Variants in MYO18A observed in about 807,000 individuals in gnomAD.
MYO18A encodes unconventional myosin-XVIIIa.
In MYO18A, 78 loss-of-function variants were observed where a neutral mutation model predicts 235.8. That is an observed-to-expected ratio of 0.33 (90% confidence interval 0.28 to 0.40). The LOEUF is 0.40. Among genes scored for constraint, MYO18A ranks in the 10% least tolerant of loss-of-function variants. The probability of loss-of-function intolerance (pLI) is 1.00; values close to 1 mark genes in which losing one functional copy is unlikely to be tolerated. For missense variants in MYO18A, 2,215 were observed against 2,699.3 expected, an observed-to-expected ratio of 0.82 and a Z score of 3.98; for synonymous variants, 977 against 1,077.8, an observed-to-expected ratio of 0.91 and a Z score of 1.83.
chr17:29,093,690 G>T (rs1481607555), intron 31 of MYO18A, among the ~76,000 whole-genome samples: 1 of 152,126 alleles, frequency 6.6e-6, no homozygotes, highest in African/African-American at 2.4e-5. Context: ...GACCTGCCCG[G>T]CCAGGCTGGC....
At chr17:29,146,556 G>A (rs1385392102) in intron 2 of MYO18A, among the ~76,000 whole-genome samples, 3 of 152,198 alleles carry the variant, frequency 2.0e-5, no homozygotes, top group Non-Finnish European at 4.4e-5. Context: ...TGGCCAATAA[G>A]AATATCCTCA....
intron 1 of MYO18A, chr17:29,176,533 T>C (rs1364136416): frequency 7.4e-6 from 1 of 135,856 alleles, no homozygotes; most frequent in Non-Finnish European, 1.6e-5. Flanking sequence ...AAGGAAATAC[T>C]TTCCCGAGAG....
chr17:29,170,357 G>A (rs1396942709), intron 1 of MYO18A, among the ~76,000 whole-genome samples: 1 of 152,182 alleles, frequency 6.6e-6, no homozygotes, highest in Non-Finnish European at 1.5e-5. Flanking sequence ...TCTCTCCTGA[G>A]TCTAGAGCTG....
intron 2 of MYO18A, among the ~76,000 whole-genome samples, chr17:29,139,353 G>A (rs920627764): frequency 4.6e-5 from 7 of 152,108 alleles, no homozygotes; most frequent in African/African-American, 1.7e-4. Context: ...AGTGGCCCGG[G>A]GGTGGCTGGG....
intron 2 of MYO18A, among the ~76,000 whole-genome samples, chr17:29,123,266 G>C (rs2067243421): frequency 6.6e-6 from 1 of 152,126 alleles, no homozygotes; most frequent in African/African-American, 2.4e-5. Flanking sequence ...GTGTGTGGGC[G>C]AAATGGCAGC....
chr17:29,108,419 C>T (rs1489193116), intron 19 of MYO18A, among the ~76,000 whole-genome samples: 1 of 152,212 alleles, frequency 6.6e-6, no homozygotes, highest in African/African-American at 2.4e-5. Context: ...GGGCCACGAA[C>T]TCCACTCCCA....
In MYO18A at chr17:29,125,854, C is replaced by A; in HGVS notation, c.1000-3601G>T. On this transcript the variant is annotated intron_variant, in intron 2 of 41. Transcript: ENST00000527372. The surrounding 1 kb of genome is among the most constrained non-coding windows in gnomAD (Gnocchi z 5.1). ...CCTGCCGCCAGCCTCAGGAAGAGGGCGGCCAGGGACTGGGACCCACACACA... is the reference window on the plus strand; with the variant it reads ...CCTGCCGCCAGCCTCAGGAAGAGGGAGGCCAGGGACTGGGACCCACACACA... 3.1e-6 allele frequency: 3 copies of A among 966,958 alleles called. No homozygotes were observed. Among genetic ancestry groups the A allele is most frequent in the East Asian group, 1.1e-4 (1 of 8,758 alleles). 59.9% of individuals were successfully genotyped at this position (966,958 alleles called of 1,614,324 possible). A position where few individuals can be genotyped will look rare whatever the true frequency, so the allele number is the denominator to read the frequency against.
In MYO18A at chr17:29,180,066, G is replaced by C. The variant is rs1446892137; in HGVS notation, c.-82+247C>G. ...CTCCCTGCGCCCCCCAGGTTGGCTG[G>C]AAGGGCCGGTGGTTCCCCCTTCCCC... On this transcript the variant is annotated intron_variant, in intron 1 of 41. Coordinates refer to ENST00000527372, the MANE Select transcript of MYO18A (RefSeq NM_078471.4). This position sits in a 1 kb window ranked among gnomAD's most constrained non-coding sequence, Gnocchi z 6.1. 2.0e-5 allele frequency among the ~76,000 whole-genome samples: 3 copies of C among 151,744 alleles called. No homozygotes were observed. The highest frequency in any genetic ancestry group is 6.6e-5 in the Admixed American group (1 of 15,246).
chr17:29,092,123 T>C (rs1352907052), intron 34 of MYO18A, among the ~76,000 whole-genome samples: 5 of 152,226 alleles, frequency 3.3e-5, no homozygotes. Flanking sequence ...GATGGGCCCT[T>C]GCTGGCTCCC....
chr17:29,162,110 C>T (rs1426416453), intron 2 of MYO18A, among the ~76,000 whole-genome samples: 1 of 152,148 alleles, frequency 6.6e-6, no homozygotes, highest in East Asian at 1.9e-4. Context: ...GGCTCTCCAT[C>T]CCACTGCCTC....
intron 2 of MYO18A, among the ~76,000 whole-genome samples, chr17:29,141,564 T>C (rs528676892): frequency 6.6e-6 from 1 of 152,314 alleles, no homozygotes; most frequent in East Asian, 1.9e-4. Context: ...TTCTATACAT[T>C]GTCTGACTTT....
In MYO18A at chr17:29,125,879, A is replaced by C; in HGVS notation, c.1000-3626T>G. The C allele has an allele frequency of 1.0e-6, 1 of 985,202 alleles. No homozygotes were observed. The highest frequency in any genetic ancestry group is 1.7e-5 in the African/African-American group (1 of 57,340). The allele number at this position is 985,202 out of a possible 1,614,324, so 61.0% of individuals were successfully genotyped here. On this transcript the variant is annotated intron_variant, in intron 2 of 41. Coordinates refer to ENST00000527372, the MANE Select transcript of MYO18A (RefSeq NM_078471.4). This position sits in a 1 kb window ranked among gnomAD's most constrained non-coding sequence, Gnocchi z 5.1. Reference sequence around the variant, plus strand: ...CGGCCAGGGACTGGGACCCACACACAAGAGTGGCATTACAGAAGCTGTGAA... The same window carrying C: ...CGGCCAGGGACTGGGACCCACACACCAGAGTGGCATTACAGAAGCTGTGAA...
chr17:29,167,001 C>T lies in MYO18A; in HGVS notation c.-61G>A, dbSNP rs1214940097. The T allele has an allele frequency of 2.7e-6, 4 of 1,456,544 alleles. No individual in the cohort carries two copies. In the East Asian group the frequency reaches 1.0e-4, roughly 36 times the overall value. The allele number at this position is 1,456,544 out of a possible 1,614,324, so 90.2% of individuals were successfully genotyped here. On this transcript the variant is annotated 5_prime_UTR_variant, in exon 2 of 42. Transcript: ENST00000527372. ...AGGATTATGAGTGCTTAGCACAGGG[C>T]CTTGGTGCCCCACTTTGCTGCTGCA... is the stretch of plus-strand genomic sequence containing the variant.
rs780156455 is a variant in MYO18A at position 29,095,019 on chromosome 17, G to A, written c.4426C>T (p.Arg1476Trp). ...AGCTTCTCCCGCTGCAGCTTCTCCC[G>A]CTGGGCCTCCTCATGCGCCTGCGAG... is the stretch of plus-strand genomic sequence containing the variant. ...ELSQAHEEAQ[R>W]EKLQREKLQR... Residue 1476 changes from arginine (R) to tryptophan (W), a missense_variant, in exon 29 of 42, where the codon CGG becomes TGG. Coordinates refer to ENST00000527372, the MANE Select transcript of MYO18A (RefSeq NM_078471.4). The A allele has an allele frequency of 2.0e-5, 31 of 1,576,742 alleles. No individual in the cohort carries two copies. Among genetic ancestry groups the A allele is most frequent in the East Asian group, 9.3e-5 (4 of 42,944 alleles).
Position 29,092,960 on chromosome 17 carries a change from C to T in MYO18A, c.4968G>A (p.Lys1656=). 3.7e-6 allele frequency: 6 copies of T among 1,613,760 alleles called. No individual in the cohort carries two copies. Among genetic ancestry groups the T allele is most frequent in the African/African-American group, 1.3e-5 (1 of 75,038 alleles). Residue 1656 remains lysine, a synonymous_variant, in exon 33 of 42, where the codon AAG becomes AAA. Coordinates refer to ENST00000527372, the MANE Select transcript of MYO18A (RefSeq NM_078471.4). The part of the protein sequence containing the change: ...RDFESEKRLR[K]DLKRTKALLA... ...GCAGGGCCTTGGTGCGCTTCAGGTC[C>T]TTCCGCAGCCGCTTCTCTGACTCAA...
chr17:29,075,147 G>A (rs1433508292), intron 41 of MYO18A: 11 of 488,932 alleles, frequency 2.2e-5, no homozygotes, highest in Admixed American at 6.4e-5. Context: ...AGTGAGTCTC[G>A]GACTCAAGCG....
chr17:29,112,592 T>C (rs2066958610), intron 15 of MYO18A, among the ~76,000 whole-genome samples: 1 of 152,238 alleles, frequency 6.6e-6, no homozygotes, highest in Non-Finnish European at 1.5e-5. Context: ...CTAATTCTAA[T>C]TTCCAATATC....
chr17:29,174,073 T>C (rs1041981016), intron 1 of MYO18A, among the ~76,000 whole-genome samples: 1 of 152,120 alleles, frequency 6.6e-6, no homozygotes, highest in Non-Finnish European at 1.5e-5. Flanking sequence ...GCACCTGGCA[T>C]ATGAAAATAT....
At chr17:29,141,922 G>C (rs1439351145) in intron 2 of MYO18A, among the ~76,000 whole-genome samples, 1 of 152,250 alleles carries the variant, frequency 6.6e-6, no homozygotes, top group African/African-American at 2.4e-5. Flanking sequence ...TCTGGGAGCA[G>C]GGGCCTGGGC....
Sources: allele counts gnomAD v4.1 joint callset (sites outside exome capture counted in the v4.1 genomes callset), GRCh38; gene constraint gnomAD v4.1.1; non-coding constraint Gnocchi (gnomAD v3.1); transcripts MANE v1.5; gene names NCBI Gene and HGNC (gene_info 2026-07-23, HGNC 2026-07-21).